The following SLC38A1 variants were observed in gnomAD, a reference collection of about 807,000 sequenced individuals.
SLC38A1 encodes sodium-coupled neutral amino acid symporter 1.
A neutral mutation model predicts 60.3 loss-of-function variants in SLC38A1; 18 were observed. The observed-to-expected ratio is 0.30, with a 90% CI of 0.21 to 0.44. The LOEUF (loss-of-function observed/expected upper bound fraction) is 0.44. SLC38A1 is among the 20% of genes least tolerant of loss of function. The pLI, the probability that SLC38A1 is intolerant of heterozygous loss-of-function variation, is 1.00. For missense variants in SLC38A1, 448 were observed against 587.2 expected, an observed-to-expected ratio of 0.76 and a Z score of 2.45; for synonymous variants, 196 against 212.1, an observed-to-expected ratio of 0.92 and a Z score of 0.66.
At chr12:46,243,527 C>T (rs2138395138) in intron 1 of SLC38A1, among the ~76,000 whole-genome samples, 1 of 152,210 alleles carries the variant, frequency 6.6e-6, no homozygotes, top group South Asian at 2.1e-4. Flanking sequence ...TATTGCTGGA[C>T]ATTCAGACTG....
chr12:46,194,542 C>T (rs1939282897), intron 16 of SLC38A1, among the ~76,000 whole-genome samples: 2 of 152,318 alleles, frequency 1.3e-5, no homozygotes, highest in South Asian at 4.1e-4. Flanking sequence ...AACTTGGATC[C>T]ATTCTCCCCC....
intron 3 of SLC38A1, among the ~76,000 whole-genome samples, chr12:46,233,291 TG>T (rs1941144459): frequency 6.6e-6 from 1 of 152,140 alleles, no homozygotes; most frequent in African/African-American, 2.4e-5. Context: ...CCCAAAGTAC[TG>T]GGATTACAGG....
intron 1 of SLC38A1, among the ~76,000 whole-genome samples, chr12:46,243,770 G>A (rs1941524135): frequency 6.6e-6 from 1 of 152,184 alleles, no homozygotes; most frequent in Non-Finnish European, 1.5e-5. Flanking sequence ...ATTACTATCT[G>A]TCAACATTTA....
intron 13 of SLC38A1, 119 bp from the exon 14 acceptor site, chr12:46,198,862 A>G (rs536946762): frequency 1.4e-3 from 967 of 670,728 alleles, no homozygotes; most frequent in Non-Finnish European, 2.2e-3. Context: ...ATGTTTCGAA[A>G]TGTCTATTAA....
intron 1 of SLC38A1, among the ~76,000 whole-genome samples, chr12:46,263,391 A>G (rs1396331746): frequency 6.6e-6 from 1 of 152,172 alleles, no homozygotes; most frequent in Non-Finnish European, 1.5e-5. Context: ...TTTTATTTTT[A>G]TGTTTTTCAA....
intron 3 of SLC38A1, among the ~76,000 whole-genome samples, chr12:46,231,807 T>C (rs1373846442): frequency 3.3e-5 from 5 of 152,134 alleles, no homozygotes; most frequent in Non-Finnish European, 7.4e-5. Flanking sequence ...GCCCAGCTAA[T>C]TTTTGTATTT....
At position 46,219,472 on chromosome 12, in the gene SLC38A1, G is replaced by A. The variant is rs115436082; in HGVS notation, c.314+9681C>T. Among the ~76,000 whole-genome samples, 691 of 152,254 alleles carry A rather than the reference G, an allele frequency of 4.5e-3. 8 individuals are homozygous for A. The highest frequency in any genetic ancestry group is 0.016 in the African/African-American group (661 of 41,526). On this transcript the variant is annotated intron_variant, in intron 5 of 16. Transcript: ENST00000398637. ...AGCCAGCCACACAAAAGGAGGCTGCGGGTGGCTTTGGTCTGCAGGCTGTCC... is the reference window on the plus strand; with the variant it reads ...AGCCAGCCACACAAAAGGAGGCTGCAGGTGGCTTTGGTCTGCAGGCTGTCC...
In SLC38A1 at chr12:46,207,668, A is replaced by G. The variant is rs184741578; in HGVS notation, c.389-47T>C. 3.7e-4 allele frequency: 573 copies of G among 1,545,232 alleles called. 1 individual carries two copies. The highest frequency in any genetic ancestry group is 3.6e-3 in the East Asian group (160 of 44,548). On this transcript the variant is annotated intron_variant, in intron 6 of 16. Coordinates refer to ENST00000398637, the MANE Select transcript of SLC38A1 (RefSeq NM_030674.4). ...GAACACAAGAAATGACAGGGTTCAG[A>G]AAGTTAAAATAGTCAAGATTTTGTC...
At chr12:46,234,608 C>T (rs1379102815) in intron 3 of SLC38A1, among the ~76,000 whole-genome samples, 4 of 152,020 alleles carry the variant, frequency 2.6e-5, no homozygotes, top group Non-Finnish European at 4.4e-5. Flanking sequence ...CCACCGTACC[C>T]GGCTAATTTT....
intron 5 of SLC38A1, among the ~76,000 whole-genome samples, chr12:46,224,520 A>T (rs1482138133): frequency 6.6e-6 from 1 of 152,202 alleles, no homozygotes; most frequent in African/African-American, 2.4e-5. Context: ...ACCCAGCCTC[A>T]GGGAGACACT....
At chr12:46,231,153 C>T (rs917850110) in intron 3 of SLC38A1, among the ~76,000 whole-genome samples, 5 of 151,964 alleles carry the variant, frequency 3.3e-5, no homozygotes, top group Non-Finnish European at 5.9e-5. Flanking sequence ...TTTGCAGCAA[C>T]GTGGGTAGAG....
rs1400418216 is a variant in SLC38A1, at chr12:46,184,887, G to C, written c.*4083C>G. Reference sequence around the variant, plus strand: ...ATGCCTCAGCCCGAGGTAACACCGAGTGCAGGCAGCCTGTGTTTAGGAATT... The same window carrying C: ...ATGCCTCAGCCCGAGGTAACACCGACTGCAGGCAGCCTGTGTTTAGGAATT... On this transcript the variant is annotated 3_prime_UTR_variant, in exon 17 of 17. Transcript: ENST00000398637. 1 of 152,176 alleles carries C rather than the reference G, an allele frequency of 6.6e-6. No homozygotes were observed. Among genetic ancestry groups the C allele is most frequent in the Non-Finnish European group, 1.5e-5 (1 of 68,028 alleles). 9.4% of individuals were successfully genotyped at this position (152,176 alleles called of 1,614,324 possible).
intron 5 of SLC38A1, among the ~76,000 whole-genome samples, chr12:46,213,175 G>A (rs1276878310): frequency 1.3e-5 from 2 of 152,172 alleles, no homozygotes. Flanking sequence ...AGCATGATAG[G>A]ATTTTTAATT....
In SLC38A1 at chr12:46,205,249, C is replaced by G. The variant is rs146829569; in HGVS notation, c.647-659G>C. Among the ~76,000 whole-genome samples, 295 of 152,114 alleles carry G rather than the reference C, an allele frequency of 1.9e-3. 1 individual carries two copies. The highest frequency in any genetic ancestry group is 6.8e-3 in the African/African-American group (281 of 41,480). On this transcript the variant is annotated intron_variant, in intron 9 of 16. Transcript: ENST00000398637. Reference sequence around the variant, plus strand: ...TCTACTTAACTGAAAAGAGCTACCTCTATAGGTACAGAAAACACAGAGGCA... The same window carrying G: ...TCTACTTAACTGAAAAGAGCTACCTGTATAGGTACAGAAAACACAGAGGCA...
At chr12:46,198,818 CAAA>C (rs764958898) in intron 13 of SLC38A1, 75 bp from the exon 14 acceptor site, 40 of 867,890 alleles carry the variant, frequency 4.6e-5, no homozygotes, top group Non-Finnish European at 6.5e-5. Flanking sequence ...TTCTGAAAAA[CAAA>C]GAATCTGTAA....
At chr12:46,209,643 A>T (rs17096793) in intron 5 of SLC38A1, among the ~76,000 whole-genome samples, 1 of 152,210 alleles carries the variant, frequency 6.6e-6, no homozygotes, top group Non-Finnish European at 1.5e-5. Context: ...CTTCATGGCT[A>T]TTTTAAAATC....
chr12:46,206,274 T>C (rs1347239348), intron 8 of SLC38A1, 112 bp from the exon 9 acceptor site: 7 of 552,608 alleles, frequency 1.3e-5, no homozygotes, highest in Non-Finnish European at 2.2e-5. Flanking sequence ...TTTTACTATA[T>C]GCATTAATTT....
At chr12:46,254,992 T>C (rs895769374) in intron 1 of SLC38A1, 1 of 152,240 alleles carries the variant, frequency 6.6e-6, no homozygotes, top group Non-Finnish European at 1.5e-5. Context: ...AAAGATTACT[T>C]TAGTCTTCCA....
chr12:46,245,770 C>T (rs1223648845), intron 1 of SLC38A1, among the ~76,000 whole-genome samples: 1 of 152,100 alleles, frequency 6.6e-6, no homozygotes, highest in African/African-American at 2.4e-5. Flanking sequence ...AAAAGTAACA[C>T]ATACTCACTG....
Sources: gnomAD v4.1 joint callset for allele counts (sites outside exome capture counted in the v4.1 genomes callset) on GRCh38, gnomAD v4.1.1 for gene constraint, MANE v1.5 for transcripts, NCBI Gene and HGNC (gene_info 2026-07-23, HGNC 2026-07-21) for gene names.